Variants in TMEM131L observed in about 807,000 individuals in gnomAD.
The protein encoded by TMEM131L is transmembrane 131 like.
TMEM131L carries 54 observed loss-of-function variants against 192.2 expected under a neutral mutation model. The observed-to-expected ratio is 0.28, with a 90% CI of 0.23 to 0.35. The LOEUF (loss-of-function observed/expected upper bound fraction) is 0.35, where lower values mean the gene tolerates loss of function less well. Among genes scored for constraint, TMEM131L ranks in the 10% least tolerant of loss-of-function variants. The probability of loss-of-function intolerance (pLI) is 1.00; values close to 1 mark genes in which losing one functional copy is unlikely to be tolerated. For synonymous variants in TMEM131L, 701 were observed against 704.9 expected (o/e 0.99, Z 0.09); for missense variants, 1,888 against 1,972.9 (o/e 0.96, Z 0.82).
At chr4:153,507,306 G>A (rs1011179267) in intron 3 of TMEM131L, among the ~76,000 whole-genome samples, 3 of 152,196 alleles carry the variant, frequency 2.0e-5, no homozygotes, top group African/African-American at 7.2e-5. Flanking sequence ...TAGTAGCCGA[G>A]GCAAACCCTG....
At chr4:153,540,041 G>A (rs1580170057) in intron 3 of TMEM131L, among the ~76,000 whole-genome samples, 1 of 151,980 alleles carries the variant, frequency 6.6e-6, no homozygotes, top group African/African-American at 2.4e-5. Context: ...AACCCGGGAG[G>A]CGGAGGTTGC....
chr4:153,583,205 A>G lies in TMEM131L; in HGVS notation c.908A>G (p.Asn303Ser), dbSNP rs758533498. 6.9e-7 allele frequency: 1 copy of G among 1,446,214 alleles called. No homozygotes were observed. Among genetic ancestry groups the G allele is most frequent in the Non-Finnish European group, 9.7e-7 (1 of 1,027,282 alleles). 89.6% of individuals were successfully genotyped at this position (1,446,214 alleles called of 1,614,324 possible). Residue 303 changes from asparagine to serine, a missense_variant, in exon 10 of 35, where the codon AAT becomes AGT. Physicochemically the swap from Asn to Ser is conservative, Grantham distance 46. Transcript: ENST00000409959. ...ESETSDDSAV[N>S]MYILHSGNSL... Reference sequence around the variant, plus strand: ...TTTTGGACAGATGATTCAGCAGTAAATATGTATATATTACATTCAGGAAAC... The same window carrying G: ...TTTTGGACAGATGATTCAGCAGTAAGTATGTATATATTACATTCAGGAAAC...
intron 7 of TMEM131L, among the ~76,000 whole-genome samples, chr4:153,573,700 G>A (rs1179432811): frequency 1.3e-5 from 2 of 152,134 alleles, no homozygotes; most frequent in African/African-American, 4.8e-5. Flanking sequence ...TTCAGGGAGT[G>A]GGAGGTAGTG....
At chr4:153,634,320 T>C (rs896483629) in intron 33 of TMEM131L, 40 bp downstream of exon 33, 1 of 1,478,954 alleles carries the variant, frequency 6.8e-7, no homozygotes, top group East Asian at 2.3e-5. Context: ...ATTATTTTAT[T>C]CTTAGAAGGT....
chr4:153,504,935 A>AG (rs1202720632), intron 3 of TMEM131L, among the ~76,000 whole-genome samples: 1 of 152,128 alleles, frequency 6.6e-6, no homozygotes, highest in African/African-American at 2.4e-5. Context: ...TTAGGTTTCC[A>AG]GGGGGGCATG....
chr4:153,583,196 C>T lies in TMEM131L; in HGVS notation c.899C>T (p.Ser300Leu). ...CTCTGATTCTTTTGGACAGATGATT[C>T]AGCAGTAAATATGTATATATTACAT... Reference protein sequence around the residue: ...ATDESETSDDSAVNMYILHSG... With the variant: ...ATDESETSDDLAVNMYILHSG... The change falls in exon 10 of 35, where the codon TCA (serine) becomes TTA (leucine). Residue 300 changes from serine (S) to leucine (L), a missense_variant. Physicochemically the swap from Ser to Leu is moderately radical, Grantham distance 145. Transcript: ENST00000409959. 1 of 1,432,462 alleles carries T rather than the reference C, an allele frequency of 7.0e-7. No individual in the cohort carries two copies. The highest frequency in any genetic ancestry group is 9.9e-7 in the Non-Finnish European group (1 of 1,014,924). 88.7% of individuals were successfully genotyped at this position (1,432,462 alleles called of 1,614,324 possible). A position where few individuals can be genotyped will look rare whatever the true frequency, so the allele number is the denominator to read the frequency against.
At chr4:153,517,269 C>A (rs1000071128) in intron 3 of TMEM131L, among the ~76,000 whole-genome samples, 2 of 152,218 alleles carry the variant, frequency 1.3e-5, no homozygotes, top group African/African-American at 4.8e-5. Flanking sequence ...GAGATCACTT[C>A]CTGTGCCGCC....
intron 3 of TMEM131L, among the ~76,000 whole-genome samples, chr4:153,548,189 T>C (rs1368839793): frequency 6.6e-6 from 1 of 152,238 alleles, no homozygotes; most frequent in Non-Finnish European, 1.5e-5. Flanking sequence ...AGTGCTGGCC[T>C]TTTAGGGTTT....
intron 3 of TMEM131L, among the ~76,000 whole-genome samples, chr4:153,480,790 T>A (rs146402976): frequency 6.6e-6 from 1 of 152,344 alleles, no homozygotes; most frequent in Non-Finnish European, 1.5e-5. Flanking sequence ...GGATCATACC[T>A]TCTCCCCAGA....
At chr4:153,504,259 G>T (rs1031929032) in intron 3 of TMEM131L, among the ~76,000 whole-genome samples, 18 of 139,084 alleles carry the variant, frequency 1.3e-4, no homozygotes, top group Middle Eastern at 4.3e-3. Flanking sequence ...GAGCCACCGC[G>T]GTCGGCCTTT....
chr4:153,540,379 C>T lies in TMEM131L; in HGVS notation c.240-9694C>T, dbSNP rs530184450. ...ACCTGAAGACAGCACGTTCAGCCTT[C>T]TAGATCCTACTCAAATGCCACCTCT... On this transcript the variant is annotated intron_variant, in intron 3 of 34. Coordinates refer to ENST00000409959, the MANE Select transcript of TMEM131L (RefSeq NM_001131007.2). Among the ~76,000 whole-genome samples the T allele has an allele frequency of 1.5e-4, 23 of 152,306 alleles. No homozygotes were observed. The South Asian group carries it at 4.8e-3, about 32-fold the overall frequency.
intron 7 of TMEM131L, among the ~76,000 whole-genome samples, chr4:153,564,356 A>G (rs1239704681): frequency 6.6e-6 from 1 of 150,938 alleles, no homozygotes; most frequent in African/African-American, 2.4e-5. Flanking sequence ...ATTTGAGGAC[A>G]TAGATGGCAC....
chr4:153,610,625 C>T (rs1421475862), intron 25 of TMEM131L, among the ~76,000 whole-genome samples: 1 of 152,154 alleles, frequency 6.6e-6, no homozygotes, highest in African/African-American at 2.4e-5. Context: ...TTTCTGTTAA[C>T]CAAATAAAAG....
intron 29 of TMEM131L, among the ~76,000 whole-genome samples, chr4:153,625,017 T>C (rs2126799729): frequency 6.6e-6 from 1 of 152,370 alleles, no homozygotes; most frequent in Non-Finnish European, 1.5e-5. Context: ...CATTGTTGTC[T>C]TAATGGCCCC....
At chr4:153,508,262 G>T (rs927629659) in intron 3 of TMEM131L, among the ~76,000 whole-genome samples, 1 of 152,186 alleles carries the variant, frequency 6.6e-6, no homozygotes, top group Non-Finnish European at 1.5e-5. Context: ...ACTCTATGTT[G>T]TGTTTACTGC....
intron 3 of TMEM131L, among the ~76,000 whole-genome samples, chr4:153,498,721 C>T (rs2149967933): frequency 6.6e-6 from 1 of 152,314 alleles, no homozygotes; most frequent in East Asian, 1.9e-4. Flanking sequence ...CTGAGCAAGG[C>T]TGGCTTCCCA....
At position 153,533,646 on chromosome 4, in the gene TMEM131L, G is replaced by C. The variant is rs112070706; in HGVS notation, c.240-16427G>C. Among the ~76,000 whole-genome samples, 241 of 152,272 alleles carry C rather than the reference G, an allele frequency of 1.6e-3. 1 individual carries two copies. The highest frequency in any genetic ancestry group is 6.8e-3 in the Middle Eastern group (2 of 294). Reference sequence around the variant, plus strand: ...CTAAAAGATTCTCCCCAAGCCAAGGGTTACCAACTTGGACCTCCTCTTACA... The same window carrying C: ...CTAAAAGATTCTCCCCAAGCCAAGGCTTACCAACTTGGACCTCCTCTTACA... On this transcript the variant is annotated intron_variant, in intron 3 of 34. Transcript: ENST00000409959.
intron 7 of TMEM131L, among the ~76,000 whole-genome samples, chr4:153,575,965 T>C (rs1729909489): frequency 1.5e-5 from 2 of 137,402 alleles, no homozygotes; most frequent in South Asian, 2.3e-4. Context: ...TGTTTTGTTC[T>C]TTTTTTTTTT....
Position 153,566,285 on chromosome 4 carries a change from G to A in TMEM131L, c.660+7917G>A, listed in dbSNP as rs538418145. Among the ~76,000 whole-genome samples the A allele has an allele frequency of 3.3e-5, 5 of 152,058 alleles. No homozygotes were observed. In the South Asian group the frequency reaches 8.3e-4, roughly 25 times the overall value. Reference sequence around the variant, plus strand: ...CGAGTAGCTGGGACCACAGGCGCCCGCAAGCACGCCCAGATAATTTTTTGT... The same window carrying A: ...CGAGTAGCTGGGACCACAGGCGCCCACAAGCACGCCCAGATAATTTTTTGT... On this transcript the variant is annotated intron_variant, in intron 7 of 34. Transcript: ENST00000409959.
Sources: allele counts gnomAD v4.1 joint callset (sites outside exome capture counted in the v4.1 genomes callset), GRCh38; gene constraint gnomAD v4.1.1; transcripts MANE v1.5; gene names NCBI Gene and HGNC (gene_info 2026-07-23, HGNC 2026-07-21).